Variants in THADA observed in about 807,000 individuals in gnomAD.
THADA encodes tRNA (32-2'-O)-methyltransferase regulator THADA.
THADA carries 213 observed loss-of-function variants against 219.8 expected under a neutral mutation model. The ratio of observed to expected loss-of-function variants is 0.97; its 90% CI spans 0.87 to 1.09. The LOEUF (loss-of-function observed/expected upper bound fraction) is 1.09, where lower values mean the gene tolerates loss of function less well. THADA is among the 50% of genes least tolerant of loss of function. The pLI is 0.00. For missense variants in THADA, 2,956 were observed against 2,311.3 expected (o/e 1.28, Z -5.72); for synonymous variants, 1,018 against 828.9 (o/e 1.23, Z -3.92).
chr2:43,307,485 G>C (rs1295393830), intron 31 of THADA, among the ~76,000 whole-genome samples: 1 of 152,246 alleles, frequency 6.6e-6, no homozygotes, highest in East Asian at 1.9e-4. Context: ...AAAGCAGTGA[G>C]CTGGACAATT....
In THADA at chr2:43,502,551, C is replaced by T. The variant is rs542780664; in HGVS notation, c.3621+3071G>A. Among the ~76,000 whole-genome samples the T allele has an allele frequency of 5.5e-5, 8 of 146,482 alleles. No individual in the cohort carries two copies. The East Asian group carries it at 9.9e-4, about 18-fold the overall frequency. Reference sequence around the variant, plus strand: ...AGTGAGCTGAGATCGTGCCACTGCCCTCCAGCCTAGGCCACAGAGTGAGAC... The same window carrying T: ...AGTGAGCTGAGATCGTGCCACTGCCTTCCAGCCTAGGCCACAGAGTGAGAC... On this transcript the variant is annotated intron_variant, in intron 24 of 37. Coordinates refer to ENST00000405975, the MANE Select transcript of THADA (RefSeq NM_022065.5).
chr2:43,466,064 C>T (rs913455196), intron 26 of THADA, among the ~76,000 whole-genome samples: 21 of 152,296 alleles, frequency 1.4e-4, no homozygotes, highest in Admixed American at 6.5e-4. Context: ...TCTGTCTCTC[C>T]ATCCTCCTTG....
At chr2:43,272,651 G>T (rs1290713877) in intron 36 of THADA, among the ~76,000 whole-genome samples, 1 of 143,398 alleles carries the variant, frequency 7.0e-6, no homozygotes, top group Non-Finnish European at 1.5e-5. Flanking sequence ...TTGAGACAAG[G>T]TCTCACTCTG....
intron 26 of THADA, among the ~76,000 whole-genome samples, chr2:43,454,128 C>A (rs1187634382): frequency 1.3e-5 from 2 of 152,144 alleles, no homozygotes; most frequent in Non-Finnish European, 2.9e-5. Flanking sequence ...CCTTGGCCTG[C>A]CAACTTTTTT....
At chr2:43,351,375 C>T (rs1042898150) in intron 29 of THADA, among the ~76,000 whole-genome samples, 1 of 152,100 alleles carries the variant, frequency 6.6e-6, no homozygotes, top group African/African-American at 2.4e-5. Flanking sequence ...CTTTCCTGGC[C>T]AGGACGTTCC....
chr2:43,389,012 C>G (rs1673037466), intron 29 of THADA, among the ~76,000 whole-genome samples: 1 of 152,170 alleles, frequency 6.6e-6, no homozygotes, highest in Non-Finnish European at 1.5e-5. Flanking sequence ...ATTTACTGAG[C>G]ATTTACTATA....
chr2:43,389,253 C>T (rs748020697), intron 29 of THADA, among the ~76,000 whole-genome samples: 13 of 152,196 alleles, frequency 8.5e-5, no homozygotes, highest in Non-Finnish European at 1.6e-4. Flanking sequence ...TGAGCACATG[C>T]TCCCAGCTTT....
chr2:43,590,224 T>C (rs1266663794), intron 4 of THADA, among the ~76,000 whole-genome samples: 1 of 152,158 alleles, frequency 6.6e-6, no homozygotes, highest in African/African-American at 2.4e-5. Context: ...TAAATATATA[T>C]TTAAACCAAG....
At chr2:43,268,954 C>G (rs1671832670) in intron 36 of THADA, among the ~76,000 whole-genome samples, 2 of 152,206 alleles carry the variant, frequency 1.3e-5, no homozygotes, top group African/African-American at 4.8e-5. Flanking sequence ...GGGGGCCCAT[C>G]TTGCCACCCC....
chr2:43,447,732 G>C (rs1188809302), intron 26 of THADA, among the ~76,000 whole-genome samples: 2 of 152,102 alleles, frequency 1.3e-5, no homozygotes, highest in African/African-American at 2.4e-5. Flanking sequence ...ACCTCCCATA[G>C]CCTTAAGACT....
chr2:43,476,996 T>C (rs1262193280), intron 26 of THADA, among the ~76,000 whole-genome samples: 1 of 152,216 alleles, frequency 6.6e-6, no homozygotes, highest in Non-Finnish European at 1.5e-5. Flanking sequence ...CTACCTACTA[T>C]ATGTAGGACG....
intron 25 of THADA, among the ~76,000 whole-genome samples, chr2:43,492,938 A>G (rs2105040104): frequency 6.6e-6 from 1 of 152,352 alleles, no homozygotes; most frequent in South Asian, 2.1e-4. Flanking sequence ...CTCTAGGTCA[A>G]TGAAGCTCCA....
intron 21 of THADA, among the ~76,000 whole-genome samples, chr2:43,534,393 C>A (rs1694286793): frequency 6.6e-6 from 1 of 152,104 alleles, no homozygotes; most frequent in South Asian, 2.1e-4. Context: ...AAACTATAGT[C>A]ATCCTACTGT....
At chr2:43,283,965 G>C (rs1238609220) in intron 35 of THADA, among the ~76,000 whole-genome samples, 2 of 152,178 alleles carry the variant, frequency 1.3e-5, no homozygotes, top group Non-Finnish European at 2.9e-5. Flanking sequence ...GATTGCCTGA[G>C]GTCAGGAATT....
chr2:43,518,690 AT>A (rs1308372732), intron 22 of THADA, among the ~76,000 whole-genome samples: 2 of 152,262 alleles, frequency 1.3e-5, no homozygotes, highest in African/African-American at 4.8e-5. Context: ...TTAATTCAAG[AT>A]GATAACTTTT....
intron 26 of THADA, among the ~76,000 whole-genome samples, chr2:43,437,751 G>A (rs1349954890): frequency 6.6e-6 from 1 of 152,030 alleles, no homozygotes; most frequent in African/African-American, 2.4e-5. Flanking sequence ...TTTATATAAT[G>A]AACAGCATTG....
chr2:43,567,979 T>C (rs1315202228), intron 14 of THADA, among the ~76,000 whole-genome samples: 3 of 152,164 alleles, frequency 2.0e-5, no homozygotes, highest in African/African-American at 7.2e-5. Context: ...ATTCCCTGAG[T>C]TCTCCCTGTA....
chr2:43,454,691 A>T lies in THADA; in HGVS notation c.3837-24389T>A, dbSNP rs144751654. ...GTTTGGCAACTAACTTTTAAAAAAT[A>T]CTTAGGTGCTGTATTCATGTATGTC... On this transcript the variant is annotated intron_variant, in intron 26 of 37. Transcript: ENST00000405975. Among the ~76,000 whole-genome samples the T allele has an allele frequency of 3.0e-3, 461 of 152,262 alleles. 4 individuals carry two copies. Among genetic ancestry groups the T allele is most frequent in the Non-Finnish European group, 3.3e-3 (222 of 68,000 alleles).
chr2:43,318,546 C>G (rs566647427), intron 31 of THADA, among the ~76,000 whole-genome samples: 2 of 152,120 alleles, frequency 1.3e-5, no homozygotes, highest in Non-Finnish European at 2.9e-5. Context: ...TTTGGACCAA[C>G]CACATCTCAA....
Sources: allele counts gnomAD v4.1 joint callset (sites outside exome capture counted in the v4.1 genomes callset), GRCh38; gene constraint gnomAD v4.1.1; transcripts MANE v1.5; gene names NCBI Gene and HGNC (gene_info 2026-07-23, HGNC 2026-07-21).